CNTROB: variants seen among roughly 807,000 people sequenced by gnomAD.
CNTROB encodes centrobin, centriole duplication and spindle assembly protein.
A neutral mutation model predicts 115.7 loss-of-function variants in CNTROB; 82 were observed. The ratio of observed to expected loss-of-function variants is 0.71; its 90% CI spans 0.59 to 0.85. CNTROB has a LOEUF of 0.85. Ranked by LOEUF, CNTROB falls within the 40% of genes least tolerant of loss-of-function variation. The pLI is 0.00. For missense variants in CNTROB, 1,014 were observed against 1,144.4 expected (o/e 0.89, Z 1.64); for synonymous variants, 439 against 456.4 (o/e 0.96, Z 0.49).
rs1457651737 is a variant in CNTROB at position 7,949,531 on chromosome 17, C to T, written c.*21C>T. ...GATGAGCCCCCCTACCCTCTCTCCTCTTTGTTCTCTCATTGTTGTTATTTT... is the reference window on the plus strand; with the variant it reads ...GATGAGCCCCCCTACCCTCTCTCCTTTTTGTTCTCTCATTGTTGTTATTTT... On this transcript the variant is annotated 3_prime_UTR_variant, in exon 19 of 19. Transcript: ENST00000563694. 3 of 1,584,280 alleles carry T rather than the reference C, an allele frequency of 1.9e-6. No homozygotes were observed. The highest frequency in any genetic ancestry group is 3.8e-5 in the Admixed American group (2 of 52,808).
intron 7 of CNTROB, among the ~76,000 whole-genome samples, chr17:7,938,829 G>T (rs754888296): frequency 4.6e-5 from 7 of 152,034 alleles, no homozygotes; most frequent in Admixed American, 6.6e-5. Context: ...CCCAGGCTAG[G>T]GTTCAGTGGC....
intron 9 of CNTROB, among the ~76,000 whole-genome samples, chr17:7,942,958 C>T (rs954478838): frequency 2.7e-5 from 4 of 150,782 alleles, no homozygotes; most frequent in South Asian, 2.1e-4. Context: ...CCCGCCAACA[C>T]GCCCGGCTAA....
rs746377839 is a variant in CNTROB, at chr17:7,948,294, G to A, written c.2347G>A (p.Gly783Ser). 4 of 1,614,082 alleles carry A rather than the reference G, an allele frequency of 2.5e-6. No individual in the cohort carries two copies. The highest frequency in any genetic ancestry group is 8.5e-7 in the Non-Finnish European group (1 of 1,180,024). The change falls in exon 16 of 19, where the codon GGC becomes AGC. Residue 783 changes from glycine (G) to serine (S), a missense_variant. Transcript: ENST00000563694. This position sits in a 1 kb window ranked among gnomAD's most constrained non-coding sequence, Gnocchi z 4.4. ...TGAGCCTCCCTCCTCCCATTCACAA[G>A]GCAGTGGTCCCAGCAGTGGTTCCCC... ...VPEPPSSHSQGSGPSSGSPER... is the reference protein window; with the variant it reads ...VPEPPSSHSQSSGPSSGSPER...
Position 7,943,075 on chromosome 17 carries a change from A to G in CNTROB, c.1312-316A>G, listed in dbSNP as rs540794832. Among the ~76,000 whole-genome samples the G allele has an allele frequency of 2.4e-4, 36 of 151,958 alleles. No homozygotes were observed. Among genetic ancestry groups the G allele is most frequent in the Non-Finnish European group, 4.1e-4 (28 of 67,992 alleles). Reference sequence around the variant, plus strand: ...CTCGGCCTCCCAAAGTGCTAGGATTACAGGCGTGAGCCACCGCGCCCAGCC... The same window carrying G: ...CTCGGCCTCCCAAAGTGCTAGGATTGCAGGCGTGAGCCACCGCGCCCAGCC... On this transcript the variant is annotated intron_variant, in intron 9 of 18. Coordinates refer to ENST00000563694, the MANE Select transcript of CNTROB (RefSeq NM_053051.5). This position sits in a 1 kb window ranked among gnomAD's most constrained non-coding sequence, Gnocchi z 4.7.
In CNTROB at chr17:7,949,697, C is replaced by T; in HGVS notation, c.*187C>T. On this transcript the variant is annotated 3_prime_UTR_variant, in exon 19 of 19. Transcript: ENST00000563694. ...ATGTTACATGTTTATATGTCATTTC[C>T]TGTGGGAAAAGACATGAATGCTTTG... is the stretch of plus-strand genomic sequence containing the variant. 3.9e-6 allele frequency: 2 copies of T among 507,622 alleles called. No homozygotes were observed. The highest frequency in any genetic ancestry group is 9.4e-5 in the South Asian group (2 of 21,314). 31.4% of individuals were successfully genotyped at this position (507,622 alleles called of 1,614,324 possible). A position where few individuals can be genotyped will look rare whatever the true frequency, so the allele number is the denominator to read the frequency against.
intron 2 of CNTROB, 28 bp from the exon 3 acceptor site, chr17:7,934,437 G>C: frequency 6.2e-7 from 1 of 1,610,758 alleles, no homozygotes; most frequent in Non-Finnish European, 8.5e-7. Flanking sequence ...CCTGACTCTG[G>C]CTTTGGGGTC....
Position 7,935,083 on chromosome 17 carries a change from C to T in CNTROB, c.532C>T (p.Leu178Phe). The change falls in exon 4 of 19, where the codon CTC becomes TTC. Residue 178 changes from leucine to phenylalanine, a missense_variant. Physicochemically the swap from Leu to Phe is conservative, Grantham distance 22. Transcript: ENST00000563694. The stretch of plus-strand genomic sequence containing the variant: ...CACCAGCCTTCGGCCAGGGCCTCCA[C>T]TCAATCCCCCAGATTTTCAGGGGCT... ...RYTSLRPGPPLNPPDFQGLRD... is the reference protein window; with the variant it reads ...RYTSLRPGPPFNPPDFQGLRD... 1.2e-6 allele frequency: 2 copies of T among 1,614,238 alleles called. No homozygotes were observed. Among genetic ancestry groups the T allele is most frequent in the Non-Finnish European group, 1.7e-6 (2 of 1,180,048 alleles).
At position 7,934,515 on chromosome 17, in the gene CNTROB, T is replaced by C. The variant is rs1349470941; in HGVS notation, c.406T>C (p.Phe136Leu). Reference sequence around the variant, plus strand: ...CTCAGAGAGACGGGAAGAGGACTCCTTTGACAGTGATAGCACAGCCACCTT... The same window carrying C: ...CTCAGAGAGACGGGAAGAGGACTCCCTTGACAGTGATAGCACAGCCACCTT... ...AGSERREEDS[F>L]DSDSTATLLN... The change falls in exon 3 of 19, where the codon TTT becomes CTT. Residue 136 changes from phenylalanine to leucine, a missense_variant. Transcript: ENST00000563694. 3.1e-6 allele frequency: 5 copies of C among 1,614,054 alleles called. No individual in the cohort carries two copies. The highest frequency in any genetic ancestry group is 4.2e-6 in the Non-Finnish European group (5 of 1,180,014).
intron 13 of CNTROB, among the ~76,000 whole-genome samples, chr17:7,947,116 G>A (rs1254290777): frequency 4.0e-5 from 6 of 150,324 alleles, no homozygotes; most frequent in South Asian, 2.1e-4. Context: ...AGCCGAGATC[G>A]CGCCGCTGCA....
At chr17:7,934,079 C>G in intron 1 of CNTROB, 59 bp from the exon 2 acceptor site, 3 of 1,417,730 alleles carry the variant, frequency 2.1e-6, no homozygotes, top group Non-Finnish European at 3.0e-6. Context: ...TCTACCCTGG[C>G]AATAGGTAGG....
intron 9 of CNTROB, among the ~76,000 whole-genome samples, chr17:7,942,785 G>GTTT (rs1567925824): frequency 8.2e-6 from 1 of 122,026 alleles, no homozygotes; most frequent in African/African-American, 3.2e-5. Context: ...TCTACTCAGG[G>GTTT]TATTTTTTTT....
intron 18 of CNTROB, 36 bp from the exon 19 acceptor site, chr17:7,949,349 C>A (rs754198650): frequency 3.7e-6 from 6 of 1,611,840 alleles, no homozygotes; most frequent in Non-Finnish European, 5.1e-6. Flanking sequence ...GAGGATCTGA[C>A]GCTGATTTCT....
Position 7,944,198 on chromosome 17 carries a change from G to A in CNTROB, c.1521G>A (p.Met507Ile), listed in dbSNP as rs751936612. 9 of 1,613,512 alleles carry A rather than the reference G, an allele frequency of 5.6e-6. No individual in the cohort carries two copies. Among genetic ancestry groups the A allele is most frequent in the Non-Finnish European group, 6.8e-6 (8 of 1,179,410 alleles). ...ASQLAQFKVE[M>I]AEREERQQQV... ...AGCTAGCTCAGTTCAAGGTGGAAAT[G>A]GCAGAACGAGAGGAACGGCAACAGC... Residue 507 changes from methionine (M) to isoleucine (I), a missense_variant, in exon 11 of 19, where the codon ATG (methionine) becomes ATA (isoleucine). By Grantham distance (10) the Met-to-Ile change is conservative. Transcript: ENST00000563694. This position sits in a 1 kb window ranked among gnomAD's most constrained non-coding sequence, Gnocchi z 4.0.
In CNTROB at chr17:7,938,547, A is replaced by T. The variant is rs557191207; in HGVS notation, c.928-966A>T. ...TGATGGTGGTAACTATTGTGTATTG[A>T]GTACTTACTATGTGCCTGATGCCGT... On this transcript the variant is annotated intron_variant, in intron 7 of 18. Coordinates refer to ENST00000563694, the MANE Select transcript of CNTROB (RefSeq NM_053051.5). Among the ~76,000 whole-genome samples the T allele has an allele frequency of 2.0e-5, 3 of 152,288 alleles. No individual in the cohort carries two copies. The East Asian group carries it at 5.8e-4, about 29-fold the overall frequency.
At chr17:7,936,154 T>C (rs191230503) in intron 4 of CNTROB, 9 of 528,892 alleles carry the variant, frequency 1.7e-5, no homozygotes, top group Middle Eastern at 5.1e-4. Flanking sequence ...TAAGCACTTA[T>C]CTCCTGAAAA....
At position 7,940,164 on chromosome 17, in the gene CNTROB, G is replaced by A. The variant is rs754998734; in HGVS notation, c.1233G>A (p.Glu411=). ...ACCAGTTGGCATTGGTGCAGTCTGAGGTGCGGCGGCTGGAAGGAGAGCTGG... is the reference window on the plus strand; with the variant it reads ...ACCAGTTGGCATTGGTGCAGTCTGAAGTGCGGCGGCTGGAAGGAGAGCTGG... The part of the protein sequence containing the change: ...TQHQLALVQS[E]VRRLEGELDT... The change falls in exon 9 of 19, where the codon GAG becomes GAA. Residue 411 remains glutamate (E), a synonymous_variant. Coordinates refer to ENST00000563694, the MANE Select transcript of CNTROB (RefSeq NM_053051.5). The A allele has an allele frequency of 8.7e-6, 14 of 1,613,166 alleles. No individual in the cohort carries two copies. Among genetic ancestry groups the A allele is most frequent in the Non-Finnish European group, 1.0e-5 (12 of 1,179,926 alleles).
Position 7,944,262 on chromosome 17 carries a change from G to C in CNTROB, c.1571+14G>C, listed in dbSNP as rs140390823. ...CTACGAGCTCAGGTCCTGGTCCCCA[G>C]AGTGCCCCTTTCAGGCCCCAGCCCC... On this transcript the variant is annotated intron_variant, in intron 11 of 18. Transcript: ENST00000563694. The surrounding 1 kb of genome is among the most constrained non-coding windows in gnomAD (Gnocchi z 4.0). 227 of 1,613,436 alleles carry C rather than the reference G, an allele frequency of 1.4e-4. No homozygotes were observed. In the African/African-American group the frequency reaches 2.5e-3, roughly 18 times the overall value.
chr17:7,944,607 T>C lies in CNTROB; in HGVS notation c.1703T>C (p.Leu568Pro). 1 of 1,612,294 alleles carries C rather than the reference T, an allele frequency of 6.2e-7. No homozygotes were observed. ...QAHWDEANQL[L>P]STTLPPPNPP... The stretch of plus-strand genomic sequence containing the variant: ...CACTGGGATGAGGCCAACCAGCTGC[T>C]CAGCACCACTCTCCCGCCGCCCAAC... The change falls in exon 12 of 19, where the codon CTC (leucine) becomes CCC (proline). Residue 568 changes from leucine (L) to proline (P), a missense_variant. Coordinates refer to ENST00000563694, the MANE Select transcript of CNTROB (RefSeq NM_053051.5). The surrounding 1 kb of genome is among the most constrained non-coding windows in gnomAD (Gnocchi z 4.0).
In CNTROB at chr17:7,946,021, C is replaced by G. The variant is rs1474904678; in HGVS notation, c.1993+35C>G. ...GGCAGAAGTCACTGGGGTTCCCCTT[C>G]TGTGCATGAATTGGCTCCCTCTTTC... On this transcript the variant is annotated intron_variant, in intron 13 of 18. Coordinates refer to ENST00000563694, the MANE Select transcript of CNTROB (RefSeq NM_053051.5). The G allele has an allele frequency of 3.8e-6, 6 of 1,599,382 alleles. No individual in the cohort carries two copies. The South Asian group carries it at 5.5e-5, about 15-fold the overall frequency.
Sources: allele counts gnomAD v4.1 joint callset (sites outside exome capture counted in the v4.1 genomes callset), GRCh38; gene constraint gnomAD v4.1.1; non-coding constraint Gnocchi (gnomAD v3.1); transcripts MANE v1.5; gene names NCBI Gene and HGNC (gene_info 2026-07-23, HGNC 2026-07-21).